The following CPA6 variants were observed in gnomAD, a reference collection of about 807,000 sequenced individuals.
The protein encoded by CPA6 is carboxypeptidase A6.
Under a neutral mutation model 63.3 loss-of-function variants are expected in CPA6, and 58 were observed. That is an observed-to-expected ratio of 0.92 (90% CI 0.74 to 1.14). CPA6 has a LOEUF of 1.14. Ranked by LOEUF, CPA6 falls within the 50% of genes most tolerant of loss-of-function variation. CPA6 has a pLI of 0.00. For missense variants in CPA6, 565 were observed against 526.6 expected (o/e 1.07, Z -0.71); for synonymous variants, 185 against 179.0 (o/e 1.03, Z -0.27).
At chr8:67,471,770 G>A (rs533236157) in intron 8 of CPA6, among the ~76,000 whole-genome samples, 1 of 152,242 alleles carries the variant, frequency 6.6e-6, no homozygotes, top group African/African-American at 2.4e-5. Flanking sequence ...TAACAGAAAA[G>A]TTACTTCATA....
At chr8:67,675,800 T>C (rs1219414007) in intron 1 of CPA6, among the ~76,000 whole-genome samples, 1 of 152,180 alleles carries the variant, frequency 6.6e-6, no homozygotes, top group South Asian at 2.1e-4. Flanking sequence ...CCAAAACACA[T>C]TTACTCCTTT....
At chr8:67,469,050 G>T (rs1296396474) in intron 8 of CPA6, among the ~76,000 whole-genome samples, 1 of 152,088 alleles carries the variant, frequency 6.6e-6, no homozygotes, top group Non-Finnish European at 1.5e-5. Flanking sequence ...CCTCTATGAA[G>T]ACTTTTCTGA....
chr8:67,577,228 A>G (rs139911478), intron 2 of CPA6, among the ~76,000 whole-genome samples: 26 of 152,316 alleles, frequency 1.7e-4, no homozygotes, highest in Non-Finnish European at 2.9e-4. Context: ...GAATCCCCTC[A>G]GTACCATGAC....
At chr8:67,521,482 A>G (rs1040396934) in intron 2 of CPA6, among the ~76,000 whole-genome samples, 4 of 152,252 alleles carry the variant, frequency 2.6e-5, no homozygotes, top group Non-Finnish European at 5.9e-5. Flanking sequence ...GGAATCATAG[A>G]AGCAAAATAG....
At chr8:67,706,896 C>T (rs925831777) in intron 1 of CPA6, among the ~76,000 whole-genome samples, 7 of 152,108 alleles carry the variant, frequency 4.6e-5, no homozygotes, top group African/African-American at 1.7e-4. Context: ...TTTCTTTGCA[C>T]TGTATCTGTA....
At chr8:67,437,970 C>T (rs1205312918) in intron 8 of CPA6, among the ~76,000 whole-genome samples, 1 of 152,124 alleles carries the variant, frequency 6.6e-6, no homozygotes, top group Non-Finnish European at 1.5e-5. Context: ...GGCTGGAGTG[C>T]AGTGGTGCAA....
intron 2 of CPA6, among the ~76,000 whole-genome samples, chr8:67,536,864 G>A (rs529629581): frequency 9.4e-4 from 143 of 152,212 alleles, no homozygotes; most frequent in Middle Eastern, 6.8e-3. Context: ...TTTGAGATAC[G>A]CTCCATCAAT....
At chr8:67,682,266 G>T (rs1816614963) in intron 1 of CPA6, among the ~76,000 whole-genome samples, 1 of 151,758 alleles carries the variant, frequency 6.6e-6, no homozygotes, top group South Asian at 2.1e-4. Flanking sequence ...AGTTTCTATT[G>T]CCATGGCTTC....
chr8:67,595,694 G>A (rs1299882063), intron 2 of CPA6, among the ~76,000 whole-genome samples: 6 of 152,320 alleles, frequency 3.9e-5, no homozygotes, highest in South Asian at 2.1e-4. Flanking sequence ...AGCCAGGTGC[G>A]GGATATAATC....
chr8:67,497,840 C>T (rs1396220302), intron 6 of CPA6, among the ~76,000 whole-genome samples: 2 of 152,036 alleles, frequency 1.3e-5, no homozygotes, highest in Non-Finnish European at 1.5e-5. Flanking sequence ...TACAGGCATG[C>T]ACCACCATGG....
chr8:67,677,338 C>A, intron 1 of CPA6, among the ~76,000 whole-genome samples: 1 of 126,586 alleles, frequency 7.9e-6, no homozygotes, highest in Non-Finnish European at 1.6e-5. Context: ...TTTCAAAACA[C>A]CTTCTTTTTT....
intron 2 of CPA6, among the ~76,000 whole-genome samples, chr8:67,536,480 T>G (rs985403657): frequency 6.6e-6 from 1 of 152,222 alleles, no homozygotes. Flanking sequence ...AGTTCACTCA[T>G]GATTTGGCTC....
intron 3 of CPA6, among the ~76,000 whole-genome samples, chr8:67,513,481 G>A (rs754668526): frequency 7.9e-5 from 12 of 151,600 alleles, no homozygotes; most frequent in South Asian, 4.2e-4. Flanking sequence ...TACTTTTTTC[G>A]ATCCCCAGAA....
At chr8:67,512,810 A>G (rs1025654433) in intron 3 of CPA6, among the ~76,000 whole-genome samples, 2 of 152,254 alleles carry the variant, frequency 1.3e-5, no homozygotes, top group Admixed American at 1.3e-4. Context: ...GGCATCTTTA[A>G]ATAATTTCAA....
intron 1 of CPA6, among the ~76,000 whole-genome samples, chr8:67,650,995 T>G (rs1815824111): frequency 6.6e-6 from 1 of 152,006 alleles, no homozygotes; most frequent in Non-Finnish European, 1.5e-5. Flanking sequence ...GAATAATCAG[T>G]GAGGGGATGT....
chr8:67,476,049 C>T (rs943183813), intron 8 of CPA6, among the ~76,000 whole-genome samples: 2 of 149,660 alleles, frequency 1.3e-5, no homozygotes, highest in South Asian at 4.3e-4. Flanking sequence ...GAGTCTTGCT[C>T]TGTTGCTGAG....
chr8:67,478,659 AG>A (rs1421541150), intron 8 of CPA6, among the ~76,000 whole-genome samples: 1 of 152,240 alleles, frequency 6.6e-6, no homozygotes, highest in Non-Finnish European at 1.5e-5. Context: ...TACTAAGAAA[AG>A]TAAAAACACT....
chr8:67,656,598 T>G (rs988362465), intron 1 of CPA6, among the ~76,000 whole-genome samples: 1 of 152,224 alleles, frequency 6.6e-6, no homozygotes. Flanking sequence ...ATGTCATCAA[T>G]GTAGGGTTCA....
intron 2 of CPA6, among the ~76,000 whole-genome samples, chr8:67,623,017 A>G (rs1302486408): frequency 6.6e-6 from 1 of 152,236 alleles, no homozygotes; most frequent in Non-Finnish European, 1.5e-5. Flanking sequence ...TAAAATCCAT[A>G]AAGTTTATCA....
Sources: gnomAD v4.1 joint callset for allele counts (sites outside exome capture counted in the v4.1 genomes callset) on GRCh38, gnomAD v4.1.1 for gene constraint, MANE v1.5 for transcripts, NCBI Gene and HGNC (gene_info 2026-07-23, HGNC 2026-07-21) for gene names.